MED1: variants seen among roughly 807,000 people sequenced by gnomAD.
MED1 encodes the protein mediator of RNA polymerase II transcription subunit 1.
In MED1, 17 loss-of-function variants were observed where a neutral mutation model predicts 121.3. The observed-to-expected ratio is 0.14, with a 90% CI of 0.10 to 0.21. The LOEUF (loss-of-function observed/expected upper bound fraction) is 0.21, where lower values mean the gene tolerates loss of function less well. Among genes scored for constraint, MED1 ranks in the 10% least tolerant of loss-of-function variants. The pLI is 1.00. For missense variants in MED1, 1,558 were observed against 1,919.4 expected, an observed-to-expected ratio of 0.81 and a Z score of 3.52; for synonymous variants, 661 against 694.4, an observed-to-expected ratio of 0.95 and a Z score of 0.76.
chr17:39,412,236 T>C (rs1483943300), intron 16 of MED1, among the ~76,000 whole-genome samples: 1 of 150,472 alleles, frequency 6.6e-6, no homozygotes, highest in Non-Finnish European at 1.5e-5. Context: ...TTCTTTTTTT[T>C]TTTTTTTTTG....
At chr17:39,427,673 T>C (rs1193338271) in intron 10 of MED1, 28 bp downstream of exon 10, 1 of 1,520,736 alleles carries the variant, frequency 6.6e-7, no homozygotes, top group Non-Finnish European at 9.0e-7. Context: ...GAACAAAACC[T>C]TTAATTCCTT....
At chr17:39,441,317 TG>T (rs1285883397) in intron 3 of MED1, among the ~76,000 whole-genome samples, 1 of 152,100 alleles carries the variant, frequency 6.6e-6, no homozygotes, top group Non-Finnish European at 1.5e-5. Flanking sequence ...AAGGCGGGAA[TG>T]GGACATTACA....
intron 9 of MED1, among the ~76,000 whole-genome samples, chr17:39,428,635 A>G (rs1432492226): frequency 6.6e-6 from 1 of 151,952 alleles, no homozygotes; most frequent in Non-Finnish European, 1.5e-5. Context: ...CCCCGTCTCA[A>G]AAAGTAAAAA....
At chr17:39,431,339 A>T (rs1175292147) in intron 8 of MED1, 151 bp from the exon 9 acceptor site, 16 of 573,520 alleles carry the variant, frequency 2.8e-5, no homozygotes, top group Non-Finnish European at 3.0e-5. Flanking sequence ...GTGCAGTGGT[A>T]CAATCTCAGC....
intron 9 of MED1, 60 bp downstream of exon 9, chr17:39,431,055 A>G (rs939221417): frequency 2.1e-6 from 3 of 1,403,388 alleles, no homozygotes; most frequent in African/African-American, 2.9e-5. Flanking sequence ...TGAAATGAAA[A>G]GTAATGACCC....
chr17:39,433,655 G>A (rs1276628697), intron 7 of MED1, among the ~76,000 whole-genome samples: 1 of 151,884 alleles, frequency 6.6e-6, no homozygotes, highest in Admixed American at 6.6e-5. Context: ...CTAGTTTGAA[G>A]TGATCGTCCC....
chr17:39,420,488 ACC>A (rs1243573687), intron 13 of MED1, among the ~76,000 whole-genome samples: 1 of 151,952 alleles, frequency 6.6e-6, no homozygotes, highest in East Asian at 1.9e-4. Flanking sequence ...GGAATAAACA[ACC>A]ACGCCCGGCT....
intron 3 of MED1, among the ~76,000 whole-genome samples, chr17:39,441,736 T>C (rs560226311): frequency 1.3e-5 from 2 of 152,190 alleles, no homozygotes; most frequent in East Asian, 1.9e-4. Flanking sequence ...ATCGTGCCAC[T>C]GCACTCCAGC....
rs757348375 is a variant in MED1, at chr17:39,410,025, C to T, written c.2196G>A (p.Thr732=). ...CTGGAGTGATGTGTGGCGTATCCAGCGTGTCAGCTGTCATGTTGACATCAA... is the reference window on the plus strand; with the variant it reads ...CTGGAGTGATGTGTGGCGTATCCAGTGTGTCAGCTGTCATGTTGACATCAA... ...PIFDVNMTAD[T]LDTPHITPAP... The change falls in exon 17 of 17, where the codon ACG becomes ACA. Residue 732 remains threonine, a synonymous_variant. Transcript: ENST00000300651. 14 of 1,613,936 alleles carry T rather than the reference C, an allele frequency of 8.7e-6. No homozygotes were observed. The African/African-American group carries it at 1.1e-4, about 12-fold the overall frequency.
intron 2 of MED1, among the ~76,000 whole-genome samples, chr17:39,443,973 A>C (rs146495616): frequency 3.5e-3 from 533 of 152,290 alleles, no homozygotes; most frequent in African/African-American, 0.012. Context: ...TATTTAGTCA[A>C]AAACAAAAAA....
chr17:39,420,593 T>C (rs1316224933), intron 13 of MED1, among the ~76,000 whole-genome samples: 1 of 152,002 alleles, frequency 6.6e-6, no homozygotes, highest in African/African-American at 2.4e-5. Context: ...AAGATTCAGA[T>C]AAATACAAGT....
chr17:39,419,855 T>C lies in MED1; in HGVS notation c.1159A>G (p.Ser387Gly). ...NKDAPLPDGR[S>G]LQGTLVSKIT... ...TTGCTAACAAGGGTTCCCTGTAGACTTCGGCCATCTGGAAGAGGAGCATCC... is the reference window on the plus strand; with the variant it reads ...TTGCTAACAAGGGTTCCCTGTAGACCTCGGCCATCTGGAAGAGGAGCATCC... The change falls in exon 14 of 17, where the codon AGT becomes GGT. Residue 387 changes from serine (S) to glycine (G), a missense_variant. Around this residue, in one of 5 missense-constraint regions of MED1, gnomAD observed 443 missense variants for 532.4 expected, o/e 0.83. Transcript: ENST00000300651. The C allele has an allele frequency of 6.2e-7, 1 of 1,614,144 alleles. No homozygotes were observed. The highest frequency in any genetic ancestry group is 2.2e-5 in the East Asian group (1 of 44,884).
chr17:39,416,262 G>A (rs1354107535), intron 14 of MED1, among the ~76,000 whole-genome samples: 2 of 152,144 alleles, frequency 1.3e-5, no homozygotes, highest in Non-Finnish European at 2.9e-5. Flanking sequence ...AAAAGTGGCC[G>A]AGTGTCTCAT....
intron 12 of MED1, 124 bp from the exon 13 acceptor site, chr17:39,423,569 C>G: frequency 6.9e-7 from 1 of 1,445,966 alleles, no homozygotes; most frequent in Non-Finnish European, 9.7e-7. Flanking sequence ...TAGTACAAAG[C>G]ACTATAACAT....
Position 39,406,292 on chromosome 17 carries a change from AC to A in MED1, c.*1182del. ...AGTGAACTATGGCTGCGGATTTTTT[AC>A]TGTTTTATCTCAGGGAGCATACAGT... On this transcript the variant is annotated 3_prime_UTR_variant, in exon 17 of 17. Transcript: ENST00000300651. 1.0e-6 allele frequency: 1 copy of A among 985,494 alleles called. No homozygotes were observed. The highest frequency in any genetic ancestry group is 1.7e-5 in the African/African-American group (1 of 57,352). The allele number at this position is 985,494 out of a possible 1,614,324, so 61.0% of individuals were successfully genotyped here. A position where few individuals can be genotyped will look rare whatever the true frequency, so the allele number is the denominator to read the frequency against.
chr17:39,419,603 A>G (rs1400228104), intron 14 of MED1, 114 bp downstream of exon 14: 2 of 1,112,550 alleles, frequency 1.8e-6, no homozygotes, highest in African/African-American at 3.1e-5. Context: ...CAAATATGAA[A>G]AAAAAAAAAC....
chr17:39,422,265 G>A (rs879826150), intron 13 of MED1, among the ~76,000 whole-genome samples: 1 of 149,404 alleles, frequency 6.7e-6, no homozygotes, highest in Non-Finnish European at 1.5e-5. Flanking sequence ...CCGGGTTCAA[G>A]CAATTCTCCT....
At chr17:39,448,971 C>G (rs2048755811) in intron 1 of MED1, among the ~76,000 whole-genome samples, 1 of 151,936 alleles carries the variant, frequency 6.6e-6, no homozygotes, top group African/African-American at 2.4e-5. Flanking sequence ...TAGACAAAAA[C>G]TCCTACTTCA....
chr17:39,409,052 T>C lies in MED1; in HGVS notation c.3169A>G (p.Thr1057Ala), dbSNP rs377427352. 237 of 1,614,030 alleles carry C rather than the reference T, an allele frequency of 1.5e-4. No homozygotes were observed. Among genetic ancestry groups the C allele is most frequent in the Non-Finnish European group, 2.0e-4 (236 of 1,180,028 alleles). ...ATAGTGATTTTGGGAATGGGTGGTG[T>C]GGCAACACCTGGGGGAGTCTGAGAT... The part of the protein sequence containing the change: ...GRSQTPPGVA[T>A]PPIPKITIQI... Residue 1057 changes from threonine to alanine, a missense_variant, in exon 17 of 17, where the codon ACA (threonine) becomes GCA (alanine). Thr to Ala is a moderately conservative substitution (Grantham distance 58). This residue lies in a region of MED1 where 793 missense variants were observed against 898.2 expected (regional missense o/e 0.88). Coordinates refer to ENST00000300651, the MANE Select transcript of MED1 (RefSeq NM_004774.4).
Sources: allele counts gnomAD v4.1 joint callset (sites outside exome capture counted in the v4.1 genomes callset), GRCh38; gene constraint gnomAD v4.1.1; regional missense constraint gnomAD v4.1.1; transcripts MANE v1.5; gene names NCBI Gene and HGNC (gene_info 2026-07-23, HGNC 2026-07-21).